OSBPL10: variants seen among roughly 807,000 people sequenced by gnomAD.
OSBPL10 encodes the protein oxysterol binding protein like 10.
In OSBPL10, 49 loss-of-function variants were observed where a neutral mutation model predicts 81.7. That is an observed-to-expected ratio of 0.60 (90% CI 0.48 to 0.76). OSBPL10 has a LOEUF of 0.76. Among genes scored for constraint, OSBPL10 ranks in the 30% least tolerant of loss-of-function variants. OSBPL10 has a pLI of 0.00. For missense variants in OSBPL10, 923 were observed against 987.8 expected (o/e 0.93, Z 0.88); for synonymous variants, 419 against 383.6 (o/e 1.09, Z -1.08).
At chr3:31,820,827 A>G (rs1366751356) in intron 4 of OSBPL10, among the ~76,000 whole-genome samples, 2 of 152,116 alleles carry the variant, frequency 1.3e-5, no homozygotes, top group East Asian at 3.9e-4. Context: ...AAGGCTTTTT[A>G]AACCTAATCT....
chr3:31,779,356 G>C (rs988756292), intron 4 of OSBPL10, among the ~76,000 whole-genome samples: 5 of 152,032 alleles, frequency 3.3e-5, no homozygotes, highest in Admixed American at 6.5e-5. Context: ...ATAAACTCAA[G>C]GTAAAGGAGT....
intron 2 of OSBPL10, among the ~76,000 whole-genome samples, chr3:32,028,067 C>G (rs567476167): frequency 3.7e-4 from 56 of 152,226 alleles, no homozygotes; most frequent in African/African-American, 1.2e-3. Flanking sequence ...TCATGATGGC[C>G]CTAACACTTC....
Position 31,820,791 on chromosome 3 carries a change from G to T in OSBPL10, c.729+9249C>A, listed in dbSNP as rs143520746. Among the ~76,000 whole-genome samples the T allele has an allele frequency of 4.0e-3, 607 of 152,220 alleles. 12 individuals carry two copies. Among genetic ancestry groups the T allele is most frequent in the South Asian group, 0.036 (173 of 4,822 alleles). On this transcript the variant is annotated intron_variant, in intron 4 of 11. Coordinates refer to ENST00000396556, the MANE Select transcript of OSBPL10 (RefSeq NM_017784.5). ...GGACTTTAACTCCTAAGGAGATGGT[G>T]CAAGGTGAGAAACTCCTTCCTCTCA...
intron 3 of OSBPL10, among the ~76,000 whole-genome samples, chr3:31,864,356 C>T (rs1460606903): frequency 6.6e-6 from 1 of 152,130 alleles, no homozygotes; most frequent in Non-Finnish European, 1.5e-5. Flanking sequence ...ATTCTCCTGC[C>T]TCAGCCTCCT....
At chr3:31,984,229 A>G (rs1375839147), upstream of OSBPL10, among the ~76,000 whole-genome samples, 1 of 151,870 alleles carries the variant, frequency 6.6e-6, no homozygotes, top group African/African-American at 2.4e-5. Context: ...TTTAGTAGAG[A>G]TGGGATTTCA....
At chr3:31,858,430 G>C (rs1022463210) in intron 3 of OSBPL10, among the ~76,000 whole-genome samples, 1 of 152,074 alleles carries the variant, frequency 6.6e-6, no homozygotes, top group African/African-American at 2.4e-5. Flanking sequence ...TGGGCAGTCA[G>C]GTACTGCTTG....
At chr3:31,908,903 A>C (rs1237843381) in intron 1 of OSBPL10, among the ~76,000 whole-genome samples, 1 of 152,208 alleles carries the variant, frequency 6.6e-6, no homozygotes. Context: ...TTAACTAGTG[A>C]TTAGTAACCA....
At chr3:31,747,267 G>C (rs1377129818) in intron 5 of OSBPL10, among the ~76,000 whole-genome samples, 1 of 151,452 alleles carries the variant, frequency 6.6e-6, no homozygotes, top group Non-Finnish European at 1.5e-5. Context: ...GTAGTGAGCC[G>C]AGATTGTGCC....
chr3:31,737,917 G>A (rs913194875), intron 5 of OSBPL10, among the ~76,000 whole-genome samples: 3 of 151,672 alleles, frequency 2.0e-5, no homozygotes, highest in South Asian at 2.1e-4. Flanking sequence ...ACTTGAACCC[G>A]GGAGGCAGAG....
chr3:31,809,869 C>CTTTTTTTTTTTTTT lies in OSBPL10; in HGVS notation c.729+20157_729+20170dup, dbSNP rs34795137. 1.8e-3 allele frequency among the ~76,000 whole-genome samples: 176 copies of CTTTTTTTTTTTTTT among 98,596 alleles called. 15 individuals carry two copies. The highest frequency in any genetic ancestry group is 8.6e-3 in the African/African-American group (158 of 18,402). 64.7% of individuals were successfully genotyped at this position (98,596 alleles called of 152,430 possible). A position where few individuals can be genotyped will look rare whatever the true frequency, so the allele number is the denominator to read the frequency against. ...AAATGTCAATGGGTGCCCCCTGACT[C>CTTTTTTTTTTTTTT]TTTTTTTTTTTTTTTTTTTGAGATG... On this transcript the variant is annotated intron_variant, in intron 4 of 11. Transcript: ENST00000396556.
chr3:31,726,184 A>T (rs1205964321), intron 6 of OSBPL10, among the ~76,000 whole-genome samples: 1 of 152,182 alleles, frequency 6.6e-6, no homozygotes, highest in Non-Finnish European at 1.5e-5. Flanking sequence ...AGGGTGACTC[A>T]TGAAAATCCA....
chr3:31,794,036 C>G (rs17028307), intron 4 of OSBPL10, among the ~76,000 whole-genome samples: 19,838 of 152,178 alleles, frequency 0.13, 2,478 homozygotes, highest in African/African-American at 0.33. Flanking sequence ...TGGGTTGGCA[C>G]AGTGGTGGCT....
intron 11 of OSBPL10, chr3:31,663,603 T>A: frequency 9.7e-7 from 1 of 1,032,698 alleles, no homozygotes; most frequent in Non-Finnish European, 1.2e-6. Context: ...TTCCCCTGCA[T>A]GACTAGCCCT....
intron 4 of OSBPL10, among the ~76,000 whole-genome samples, chr3:31,805,273 C>G (rs1327511248): frequency 6.6e-6 from 1 of 152,194 alleles, no homozygotes; most frequent in Admixed American, 6.5e-5. Flanking sequence ...TTGCAATGCT[C>G]TCTCCTCACA....
chr3:31,723,290 G>A (rs902975507), intron 6 of OSBPL10, among the ~76,000 whole-genome samples: 7 of 152,174 alleles, frequency 4.6e-5, no homozygotes, highest in African/African-American at 1.4e-4. Context: ...ACAGAGCACC[G>A]CATGACACCC....
rs1156742945 is a variant in OSBPL10 at position 32,043,406 on chromosome 3, CAT to C, written n.298+3083_298+3084del. Among the ~76,000 whole-genome samples the C allele has an allele frequency of 4.6e-5, 7 of 152,252 alleles. No homozygotes were observed. In the East Asian group the frequency reaches 7.7e-4, roughly 17 times the overall value. On this transcript the variant is annotated intron_variant and non_coding_transcript_variant, in intron 2 of 3. Transcript: ENST00000479173. ...ACTGATTTCGTATTGTTCAAACACA[CAT>C]GTTTTATAATCAATTTGTACAGTTA...
intron 2 of OSBPL10, among the ~76,000 whole-genome samples, chr3:32,039,932 C>T (rs1699555932): frequency 6.6e-6 from 1 of 152,068 alleles, no homozygotes. Flanking sequence ...CTAAATAAAA[C>T]CCTGGCAGAT....
chr3:31,737,044 G>A (rs1043297722), intron 5 of OSBPL10, among the ~76,000 whole-genome samples: 18 of 152,204 alleles, frequency 1.2e-4, no homozygotes, highest in Non-Finnish European at 2.6e-4. Context: ...GCACCACAGA[G>A]CAAGAAGTGG....
intron 4 of OSBPL10, among the ~76,000 whole-genome samples, chr3:31,820,505 G>C (rs34465774): frequency 0.074 from 11,253 of 151,676 alleles, 857 homozygotes; most frequent in East Asian, 0.45. Flanking sequence ...TGAAGCAGAA[G>C]AATCGCTTAA....
Sources: gnomAD v4.1 joint callset for allele counts (sites outside exome capture counted in the v4.1 genomes callset) on GRCh38, gnomAD v4.1.1 for gene constraint, MANE v1.5 for transcripts, NCBI Gene and HGNC (gene_info 2026-07-23, HGNC 2026-07-21) for gene names.